Variants in DAAM2 observed in about 807,000 individuals in gnomAD.
DAAM2 encodes dishevelled associated activator of morphogenesis 2, also known as disheveled-associated activator of morphogenesis 2.
DAAM2 carries 39 observed loss-of-function variants against 120.7 expected under a neutral mutation model. The ratio of observed to expected loss-of-function variants is 0.32; its 90% CI spans 0.25 to 0.42. DAAM2 has a LOEUF of 0.42. DAAM2 is among the 10% of genes least tolerant of loss of function. The pLI, the probability that DAAM2 is intolerant of heterozygous loss-of-function variation, is 1.00. For missense variants in DAAM2, 1,283 were observed against 1,401.7 expected (o/e 0.92, Z 1.35); for synonymous variants, 488 against 524.9 (o/e 0.93, Z 0.96).
intron 1 of DAAM2, among the ~76,000 whole-genome samples, chr6:39,805,194 TAGC>T (rs1013679828): frequency 1.3e-5 from 2 of 152,180 alleles, no homozygotes; most frequent in Non-Finnish European, 2.9e-5. Flanking sequence ...AGTTTTGGTA[TAGC>T]ACAGTGATTT....
At chr6:39,837,335 G>C (rs9369142) in intron 1 of DAAM2, among the ~76,000 whole-genome samples, 22,753 of 151,864 alleles carry the variant, frequency 0.15, 3,359 homozygotes, top group African/African-American at 0.36. Context: ...GTGAATTGGC[G>C]TCATTCATGG....
intron 10 of DAAM2, among the ~76,000 whole-genome samples, chr6:39,874,636 A>G (rs548506825): frequency 3.3e-5 from 5 of 152,216 alleles, no homozygotes; most frequent in Admixed American, 6.5e-5. Flanking sequence ...ATGATGGTCA[A>G]TAAAGTGCTA....
chr6:39,842,267 A>C (rs1207710670), intron 1 of DAAM2, among the ~76,000 whole-genome samples: 1 of 152,206 alleles, frequency 6.6e-6, no homozygotes, highest in Non-Finnish European at 1.5e-5. Context: ...CCTGCTGCAC[A>C]CATTCCACTG....
intron 1 of DAAM2, among the ~76,000 whole-genome samples, chr6:39,824,825 C>T (rs1387288251): frequency 6.6e-6 from 1 of 152,188 alleles, no homozygotes; most frequent in Non-Finnish European, 1.5e-5. Context: ...TCCTCTTTCC[C>T]CATCCAGGGT....
chr6:39,845,986 G>A (rs1763572529), intron 1 of DAAM2, among the ~76,000 whole-genome samples: 1 of 152,124 alleles, frequency 6.6e-6, no homozygotes, highest in Non-Finnish European at 1.5e-5. Flanking sequence ...GGGGAAATGA[G>A]AGAGGTTGGC....
chr6:39,856,488 G>A lies in DAAM2; in HGVS notation c.168+18G>A. 1 of 1,420,812 alleles carries A rather than the reference G, an allele frequency of 7.0e-7. No homozygotes were observed. The allele number at this position is 1,420,812 out of a possible 1,614,324, so 88.0% of individuals were successfully genotyped here. A position where few individuals can be genotyped will look rare whatever the true frequency, so the allele number is the denominator to read the frequency against. On this transcript the variant is annotated intron_variant, in intron 2 of 24. Transcript: ENST00000274867. ...AGCTGGTGGTCAGTGAGAGGGTGGGGAGAGACAGTGACAATGGGGAGGAGG... is the reference window on the plus strand; with the variant it reads ...AGCTGGTGGTCAGTGAGAGGGTGGGAAGAGACAGTGACAATGGGGAGGAGG...
intron 4 of DAAM2, 117 bp downstream of exon 4, chr6:39,864,624 C>T (rs1764351141): frequency 3.9e-6 from 3 of 770,386 alleles, no homozygotes; most frequent in Non-Finnish European, 6.2e-6. Context: ...CTCAGCGCCC[C>T]ACTGCCCACT....
At chr6:39,874,943 C>G (rs1764809567) in intron 10 of DAAM2, among the ~76,000 whole-genome samples, 1 of 152,140 alleles carries the variant, frequency 6.6e-6, no homozygotes. Context: ...AAAAAAACTT[C>G]CCTGGAGACT....
intron 13 of DAAM2, 38 bp from the exon 14 acceptor site, chr6:39,879,140 G>A: frequency 7.1e-7 from 1 of 1,399,616 alleles, no homozygotes; most frequent in Non-Finnish European, 9.7e-7. Context: ...CAACGGTGCT[G>A]ATGGCTTTGT....
In DAAM2 at chr6:39,856,268, A is replaced by C; in HGVS notation, c.-35A>C. 1 of 1,443,124 alleles carries C rather than the reference A, an allele frequency of 6.9e-7. No homozygotes were observed. The highest frequency in any genetic ancestry group is 9.1e-7 in the Non-Finnish European group (1 of 1,096,400). The allele number at this position is 1,443,124 out of a possible 1,614,324, so 89.4% of individuals were successfully genotyped here. A position where few individuals can be genotyped will look rare whatever the true frequency, so the allele number is the denominator to read the frequency against. On this transcript the variant is annotated 5_prime_UTR_variant, in exon 2 of 25. Coordinates refer to ENST00000274867, the MANE Select transcript of DAAM2 (RefSeq NM_001201427.2). ...CCAGATCACAATGAGGACCTAGGGC[A>C]TCTGTCTGCTGACGCCCCCTGGCCT... is the stretch of plus-strand genomic sequence containing the variant.
intron 1 of DAAM2, among the ~76,000 whole-genome samples, chr6:39,853,806 C>A (rs1003035911): frequency 6.6e-6 from 1 of 152,234 alleles, no homozygotes; most frequent in Non-Finnish European, 1.5e-5. Flanking sequence ...GTGCCCTGAA[C>A]AAAGCAGTCT....
intron 1 of DAAM2, among the ~76,000 whole-genome samples, chr6:39,843,780 G>A (rs1466342540): frequency 6.6e-6 from 1 of 152,142 alleles, no homozygotes; most frequent in Non-Finnish European, 1.5e-5. Flanking sequence ...CTGTGAGTAG[G>A]TACAGGGTTT....
Position 39,903,810 on chromosome 6 carries a change from G to T in DAAM2, c.*1773G>T. 1 of 196,468 alleles carries T rather than the reference G, an allele frequency of 5.1e-6. No individual in the cohort carries two copies. Among genetic ancestry groups the T allele is most frequent in the Non-Finnish European group, 1.0e-5 (1 of 95,414 alleles). 12.2% of individuals were successfully genotyped at this position (196,468 alleles called of 1,614,324 possible). On this transcript the variant is annotated 3_prime_UTR_variant, in exon 25 of 25. Transcript: ENST00000274867. ...GTGCGTTGGTTTGAGGGGGCGGGCG[G>T]TGTGTGTGTGTTCTGGTGGGAGGGA...
chr6:39,865,915 A>G (rs1277886367), intron 5 of DAAM2, among the ~76,000 whole-genome samples: 4 of 152,232 alleles, frequency 2.6e-5, no homozygotes, highest in Admixed American at 2.6e-4. Flanking sequence ...ACACTATGAA[A>G]TATGCATCTC....
At chr6:39,893,740 T>A (rs944350377) in intron 19 of DAAM2, among the ~76,000 whole-genome samples, 7 of 152,210 alleles carry the variant, frequency 4.6e-5, no homozygotes, top group Admixed American at 1.3e-4. Context: ...ATAGGAAAGA[T>A]ATGCCTAAAG....
chr6:39,869,201 G>A (rs187733008), intron 7 of DAAM2, among the ~76,000 whole-genome samples: 12 of 152,232 alleles, frequency 7.9e-5, no homozygotes, highest in South Asian at 2.1e-4. Context: ...CTGTTTTCTC[G>A]TTGGCTGGTC....
chr6:39,798,776 A>G (rs1761774479), intron 1 of DAAM2, among the ~76,000 whole-genome samples: 1 of 152,126 alleles, frequency 6.6e-6, no homozygotes, highest in East Asian at 1.9e-4. Context: ...AGGCCTGCTC[A>G]GGTGTCCCTT....
intron 1 of DAAM2, among the ~76,000 whole-genome samples, chr6:39,829,613 A>G (rs945266476): frequency 6.6e-6 from 1 of 152,198 alleles, no homozygotes; most frequent in Non-Finnish European, 1.5e-5. Flanking sequence ...TGGGATAACA[A>G]AAAAGCAACA....
intron 1 of DAAM2, among the ~76,000 whole-genome samples, chr6:39,843,447 G>T (rs1245138745): frequency 1.3e-5 from 2 of 152,180 alleles, no homozygotes; most frequent in East Asian, 3.8e-4. Context: ...ACCATTCAGG[G>T]ACTGTGGGTG....
Sources: allele counts gnomAD v4.1 joint callset (sites outside exome capture counted in the v4.1 genomes callset), GRCh38; gene constraint gnomAD v4.1.1; transcripts MANE v1.5; gene names NCBI Gene and HGNC (gene_info 2026-07-23, HGNC 2026-07-21).